Variants in TBC1D20 observed in about 807,000 individuals in gnomAD.
TBC1D20 encodes chromosome 20 open reading frame 140.
Under a neutral mutation model 41.6 loss-of-function variants are expected in TBC1D20, and 12 were observed. The ratio of observed to expected loss-of-function variants is 0.29; its 90% CI spans 0.18 to 0.47. The LOEUF (loss-of-function observed/expected upper bound fraction) is 0.47. TBC1D20 is among the 20% of genes least tolerant of loss of function. The probability of loss-of-function intolerance (pLI) is 1.00; values close to 1 mark genes in which losing one functional copy is unlikely to be tolerated. For missense variants in TBC1D20, 421 were observed against 517.4 expected, an observed-to-expected ratio of 0.81 and a Z score of 1.81; for synonymous variants, 205 against 204.8, an observed-to-expected ratio of 1.00 and a Z score of -0.01.
chr20:438,589 G>C lies in TBC1D20; in HGVS notation c.1209C>G (p.Pro403=). 6.2e-7 allele frequency: 1 copy of C among 1,613,622 alleles called. No individual in the cohort carries two copies. Among genetic ancestry groups the C allele is most frequent in the Non-Finnish European group, 8.5e-7 (1 of 1,179,570 alleles). The change falls in exon 8 of 8, where the codon CCC becomes CCG. Residue 403 remains proline (P), a synonymous_variant. Coordinates refer to ENST00000354200, the MANE Select transcript of TBC1D20 (RefSeq NM_144628.4). ...AGAGGAAGGTCTTCTCTGGCTTTCA[G>C]GGAAACAGCTGCAGCTGAAACTTAG... is the stretch of plus-strand genomic sequence containing the variant. ...WAPKFQLQLF[P]
chr20:446,380 G>A (rs998865310), intron 2 of TBC1D20, among the ~76,000 whole-genome samples: 1 of 151,582 alleles, frequency 6.6e-6, no homozygotes, highest in East Asian at 1.9e-4. Flanking sequence ...TCACTCTGTC[G>A]CCCAGGCTGG....
At chr20:455,950 A>G (rs1490256349) in intron 1 of TBC1D20, among the ~76,000 whole-genome samples, 1 of 151,684 alleles carries the variant, frequency 6.6e-6, no homozygotes, top group Non-Finnish European at 1.5e-5. Flanking sequence ...TAAACAAAAT[A>G]AAAATAAAAA....
intron 3 of TBC1D20, among the ~76,000 whole-genome samples, chr20:443,266 C>T (rs1429853497): frequency 1.3e-5 from 2 of 152,088 alleles, no homozygotes; most frequent in Non-Finnish European, 2.9e-5. Flanking sequence ...CCAAAGCAAA[C>T]GTTACAGGAA....
intron 1 of TBC1D20, among the ~76,000 whole-genome samples, chr20:451,793 C>T (rs1383258598): frequency 6.6e-6 from 1 of 152,024 alleles, no homozygotes; most frequent in African/African-American, 2.4e-5. Flanking sequence ...AGTCATGGCT[C>T]ACTGCAGCCT....
At chr20:461,922 G>GGTGAATGCA (rs1001464653) in intron 1 of TBC1D20, among the ~76,000 whole-genome samples, 1 of 152,252 alleles carries the variant, frequency 6.6e-6, no homozygotes. Context: ...AGCCGGCGAC[G>GGTGAATGCA]GTGAATGCAG....
chr20:441,851 T>G lies in TBC1D20; in HGVS notation c.524+6A>C, dbSNP rs778699532. ...CCCGTCGTCTTGTGTTCCTCTCTAC[T>G]GGTACCTGAGGTGGTGGGTAGATAA... On this transcript the variant is annotated splice_donor_region_variant and intron_variant, in intron 4 of 7. Transcript: ENST00000354200. 3.1e-6 allele frequency: 5 copies of G among 1,613,020 alleles called. No individual in the cohort carries two copies. Among genetic ancestry groups the G allele is most frequent in the Non-Finnish European group, 4.2e-6 (5 of 1,179,280 alleles).
intron 1 of TBC1D20, among the ~76,000 whole-genome samples, chr20:457,593 G>C (rs1183734566): frequency 6.6e-6 from 1 of 152,198 alleles, no homozygotes; most frequent in Non-Finnish European, 1.5e-5. Flanking sequence ...AGGCAGAAGA[G>C]TTATGTGCAA....
Position 438,580 on chromosome 20 carries a change from T to C in TBC1D20, c.*6A>G. On this transcript the variant is annotated 3_prime_UTR_variant, in exon 8 of 8. Coordinates refer to ENST00000354200, the MANE Select transcript of TBC1D20 (RefSeq NM_144628.4). ...TGTGATGTAAGAGGAAGGTCTTCTCTGGCTTTCAGGGAAACAGCTGCAGCT... is the reference window on the plus strand; with the variant it reads ...TGTGATGTAAGAGGAAGGTCTTCTCCGGCTTTCAGGGAAACAGCTGCAGCT... 3 of 1,613,464 alleles carry C rather than the reference T, an allele frequency of 1.9e-6. No homozygotes were observed. The highest frequency in any genetic ancestry group is 1.3e-5 in the African/African-American group (1 of 75,032).
chr20:443,493 A>AATG (rs1290125721), intron 3 of TBC1D20, among the ~76,000 whole-genome samples: 1 of 152,210 alleles, frequency 6.6e-6, no homozygotes, highest in Non-Finnish European at 1.5e-5. Context: ...GAAAGCAGCT[A>AATG]ATGTAAGGGC....
chr20:445,015 T>C, intron 3 of TBC1D20, 35 bp downstream of exon 3: 1 of 1,572,258 alleles, frequency 6.4e-7, no homozygotes, highest in Middle Eastern at 1.7e-4. Context: ...AGATACAGTC[T>C]TTCCAAATGT....
Position 440,380 on chromosome 20 carries a change from T to A in TBC1D20, c.636A>T (p.Val212=). ...ELHDFMQSAE[V]GTIFALSWLI... ...GCCAGCTGAGGGCAAAGATGGTCCC[T>A]ACCTCAGCACTAGAAACAAAGGAAA... Residue 212 remains valine (V), a synonymous_variant, in exon 6 of 8, where the codon GTA becomes GTT. Coordinates refer to ENST00000354200, the MANE Select transcript of TBC1D20 (RefSeq NM_144628.4). 6.2e-7 allele frequency: 1 copy of A among 1,614,158 alleles called. No individual in the cohort carries two copies. Among genetic ancestry groups the A allele is most frequent in the Non-Finnish European group, 8.5e-7 (1 of 1,180,018 alleles).
intron 1 of TBC1D20, among the ~76,000 whole-genome samples, chr20:453,024 C>T (rs566351002): frequency 1.3e-5 from 2 of 150,632 alleles, no homozygotes; most frequent in African/African-American, 2.4e-5. Flanking sequence ...TGGCACAGGC[C>T]GGTAATGCCA....
chr20:448,457 G>A (rs1349318314), intron 1 of TBC1D20, among the ~76,000 whole-genome samples: 2 of 152,032 alleles, frequency 1.3e-5, no homozygotes, highest in Non-Finnish European at 2.9e-5. Flanking sequence ...TTGGGAGGCC[G>A]AGGTGGGCGG....
At position 439,255 on chromosome 20, in the gene TBC1D20, C is replaced by G; in HGVS notation, c.809G>C (p.Cys270Ser). 1 of 1,613,872 alleles carries G rather than the reference C, an allele frequency of 6.2e-7. No homozygotes were observed. Among genetic ancestry groups the G allele is most frequent in the East Asian group, 2.2e-5 (1 of 44,896 alleles). ...YREQEVLDCD[C>S]DMASVHHLLS... ...CAGGTGGTGGACCGAGGCCATGTCA[C>G]AGTCACAGTCCAGGACTTCCTGCTC... The change falls in exon 7 of 8, where the codon TGT (cysteine) becomes TCT (serine). Residue 270 changes from cysteine to serine, a missense_variant. Physicochemically the swap from Cys to Ser is moderately radical, Grantham distance 112 (BLOSUM62 -1). This residue lies in a region of TBC1D20 where 161 missense variants were observed against 182.7 expected (regional missense o/e 0.88). Transcript: ENST00000354200. This position sits in a 1 kb window ranked among gnomAD's most constrained non-coding sequence, Gnocchi z 4.6.
At chr20:458,180 G>A (rs2017573570) in intron 1 of TBC1D20, among the ~76,000 whole-genome samples, 1 of 152,056 alleles carries the variant, frequency 6.6e-6, no homozygotes, top group African/African-American at 2.4e-5. Flanking sequence ...GTATCTTGGG[G>A]AAAAAAACCA....
At chr20:447,420 G>A (rs2017357224) in intron 2 of TBC1D20, among the ~76,000 whole-genome samples, 1 of 152,016 alleles carries the variant, frequency 6.6e-6, no homozygotes, top group African/African-American at 2.4e-5. Context: ...CACTTTGGGA[G>A]GCCGAAGCAG....
rs1491458311 is a variant in TBC1D20, at chr20:458,329, TTA to T, written c.70+4005_70+4006del. ...CTCTGTTCCAATTTTTTTTTTTTTT[TTA>T]GAGACAGGGTCTTACTCTGTCACCC... On this transcript the variant is annotated intron_variant, in intron 1 of 7. Coordinates refer to ENST00000354200, the MANE Select transcript of TBC1D20 (RefSeq NM_144628.4). 5.2e-3 allele frequency among the ~76,000 whole-genome samples: 786 copies of T among 150,878 alleles called. 9 individuals carry two copies. The highest frequency in any genetic ancestry group is 0.018 in the African/African-American group (741 of 40,842).
Position 462,508 on chromosome 20 carries a change from C to G in TBC1D20, c.-103G>C, listed in dbSNP as rs6107369. 1.9e-5 allele frequency: 12 copies of G among 644,438 alleles called. No individual in the cohort carries two copies. Among genetic ancestry groups the G allele is most frequent in the African/African-American group, 7.8e-5 (4 of 50,986 alleles). 39.9% of individuals were successfully genotyped at this position (644,438 alleles called of 1,614,324 possible). Reference sequence around the variant, plus strand: ...GTAGCACCCGCTCGGCATCGGCAGGCTCCCCTCCGTCGGCCAGCGGCGCGC... The same window carrying G: ...GTAGCACCCGCTCGGCATCGGCAGGGTCCCCTCCGTCGGCCAGCGGCGCGC... On this transcript the variant is annotated 5_prime_UTR_variant, in exon 1 of 8. Transcript: ENST00000354200.
At chr20:444,408 T>TA (rs898971038) in intron 3 of TBC1D20, among the ~76,000 whole-genome samples, 5 of 152,192 alleles carry the variant, frequency 3.3e-5, no homozygotes, top group African/African-American at 1.2e-4. Flanking sequence ...CTTCATGACC[T>TA]AAAGGTGGAG....
Sources: allele counts gnomAD v4.1 joint callset (sites outside exome capture counted in the v4.1 genomes callset), GRCh38; gene constraint gnomAD v4.1.1; regional missense constraint gnomAD v4.1.1; non-coding constraint Gnocchi (gnomAD v3.1); transcripts MANE v1.5; gene names NCBI Gene and HGNC (gene_info 2026-07-23, HGNC 2026-07-21).